ADRA1D: variants seen among roughly 807,000 people sequenced by gnomAD.
ADRA1D encodes the protein alpha-1D adrenergic receptor.
Under a neutral mutation model 18.6 loss-of-function variants are expected in ADRA1D, and 22 were observed. The ratio of observed to expected loss-of-function variants is 1.19; its 90% CI spans 0.85 to 1.69. The LOEUF is 1.69. ADRA1D is among the 40% of genes most tolerant of loss of function. ADRA1D has a pLI of 0.00. For missense variants in ADRA1D, 840 were observed against 840.7 expected, an observed-to-expected ratio of 1.00 and a Z score of 0.01; for synonymous variants, 376 against 388.2, an observed-to-expected ratio of 0.97 and a Z score of 0.37.
chr20:4,221,823 T>C lies in ADRA1D; in HGVS notation c.1419A>G (p.Glu473=). ...ALTALPDPDP[E]PPGTPEMQAP... is the part of the protein sequence containing the mutation. ...CCTGCATCTCGGGCGTGCCTGGGGG[T>C]TCGGGGTCGGGGTCGGGGAGCGCGG... Residue 473 remains glutamate, a synonymous_variant, in exon 2 of 2, where the codon GAA becomes GAG. Coordinates refer to ENST00000379453, the MANE Select transcript of ADRA1D (RefSeq NM_000678.4). The C allele has an allele frequency of 2.0e-6, 3 of 1,526,586 alleles. No individual in the cohort carries two copies. The highest frequency in any genetic ancestry group is 2.0e-4 in the Middle Eastern group (1 of 5,038). The allele number at this position is 1,526,586 out of a possible 1,614,324, so 94.6% of individuals were successfully genotyped here. A position where few individuals can be genotyped will look rare whatever the true frequency, so the allele number is the denominator to read the frequency against.
intron 1 of ADRA1D, among the ~76,000 whole-genome samples, chr20:4,245,136 C>A (rs1386982216): frequency 6.6e-6 from 1 of 152,198 alleles, no homozygotes; most frequent in African/African-American, 2.4e-5. Flanking sequence ...AAAGCAGTGG[C>A]CTTTTGCAGT....
intron 1 of ADRA1D, among the ~76,000 whole-genome samples, chr20:4,224,351 C>T (rs73085608): frequency 0.11 from 16,457 of 152,016 alleles, 1,173 homozygotes; most frequent in Non-Finnish European, 0.16. Context: ...GGGGCAGGGG[C>T]ACTAGGATCT....
At position 4,222,166 on chromosome 20, in the gene ADRA1D, T is replaced by C. The variant is rs1223524392; in HGVS notation, c.1112-36A>G. 5 of 1,593,026 alleles carry C rather than the reference T, an allele frequency of 3.1e-6. No homozygotes were observed. The highest frequency in any genetic ancestry group is 4.3e-6 in the Non-Finnish European group (5 of 1,168,728). On this transcript the variant is annotated intron_variant, in intron 1 of 1. Transcript: ENST00000379453. This position sits in a 1 kb window ranked among gnomAD's most constrained non-coding sequence, Gnocchi z 4.3. ...CAGAGACCGATACTATTTAGCTGCT[T>C]GGGGAGGGGGAGGCCAGGCGGCTCT...
In ADRA1D at chr20:4,239,582, C is replaced by T. The variant is rs1005576529; in HGVS notation, c.1111+8265G>A. 6.6e-6 allele frequency among the ~76,000 whole-genome samples: 1 copy of T among 152,104 alleles called. No individual in the cohort carries two copies. The highest frequency in any genetic ancestry group is 2.4e-5 in the African/African-American group (1 of 41,394). On this transcript the variant is annotated intron_variant, in intron 1 of 1. Transcript: ENST00000379453. This position sits in a 1 kb window ranked among gnomAD's most constrained non-coding sequence, Gnocchi z 4.9. ...CTGAGCCTGAAGCATCTTATCAGAT[C>T]AGAAAGCAAAGAAGAGCTCAAGATG...
At chr20:4,232,149 G>A (rs1221648872) in intron 1 of ADRA1D, among the ~76,000 whole-genome samples, 1 of 152,166 alleles carries the variant, frequency 6.6e-6, no homozygotes, top group African/African-American at 2.4e-5. Flanking sequence ...CCTGACCTCA[G>A]GTGATCCACC....
intron 1 of ADRA1D, among the ~76,000 whole-genome samples, chr20:4,244,794 A>T (rs1981296090): frequency 6.6e-6 from 1 of 152,178 alleles, no homozygotes; most frequent in Non-Finnish European, 1.5e-5. Flanking sequence ...CCTCCAAGCC[A>T]TACTGGGGCA....
intron 1 of ADRA1D, among the ~76,000 whole-genome samples, chr20:4,232,778 T>A (rs936268423): frequency 1.3e-5 from 2 of 152,104 alleles, no homozygotes; most frequent in African/African-American, 4.8e-5. Flanking sequence ...TTCAACTGGG[T>A]CCATGACACC....
chr20:4,241,281 C>A (rs1326732193), intron 1 of ADRA1D, among the ~76,000 whole-genome samples: 1 of 152,066 alleles, frequency 6.6e-6, no homozygotes, highest in Non-Finnish European at 1.5e-5. Flanking sequence ...AATCAATGGG[C>A]ATAAAGTTTC....
In ADRA1D at chr20:4,221,635, C is replaced by T. The variant is rs1980665670; in HGVS notation, c.1607G>A (p.Arg536His). ...TAGGGACACAGCCTCCACCTCTGAG[C>T]GCTGGGCGCACGCTGCCTCTGCGCG... ...AQRAEAACAQ[R>H]SEVEAVSLGV... The change falls in exon 2 of 2, where the codon CGC (arginine) becomes CAC (histidine). Residue 536 changes from arginine to histidine, a missense_variant. Coordinates refer to ENST00000379453, the MANE Select transcript of ADRA1D (RefSeq NM_000678.4). 3 of 1,613,100 alleles carry T rather than the reference C, an allele frequency of 1.9e-6. No homozygotes were observed. Among genetic ancestry groups the T allele is most frequent in the Non-Finnish European group, 1.7e-6 (2 of 1,179,624 alleles).
intron 1 of ADRA1D, among the ~76,000 whole-genome samples, chr20:4,228,431 G>A (rs1015744362): frequency 5.9e-5 from 9 of 152,320 alleles, no homozygotes; most frequent in African/African-American, 1.9e-4. Flanking sequence ...CAAAGTTGGG[G>A]GGATTTGGCA....
At chr20:4,225,125 CT>C (rs1266211442) in intron 1 of ADRA1D, among the ~76,000 whole-genome samples, 1 of 151,518 alleles carries the variant, frequency 6.6e-6, no homozygotes, top group Non-Finnish European at 1.5e-5. Context: ...CCTCAGCCTC[CT>C]GAGTAGCTGG....
chr20:4,245,466 G>A (rs1661422800), intron 1 of ADRA1D, among the ~76,000 whole-genome samples: 1 of 152,190 alleles, frequency 6.6e-6, no homozygotes, highest in Non-Finnish European at 1.5e-5. Flanking sequence ...GACAGGAGGA[G>A]GGGATCTAGT....
chr20:4,231,079 TCTC>T, intron 1 of ADRA1D, among the ~76,000 whole-genome samples: 1 of 83,412 alleles, frequency 1.2e-5, no homozygotes, highest in Admixed American at 1.3e-4. Flanking sequence ...TCTCTCTCTC[TCTC>T]TTTTCTTTTC....
chr20:4,224,957 G>A (rs1980760015), intron 1 of ADRA1D, among the ~76,000 whole-genome samples: 1 of 150,460 alleles, frequency 6.6e-6, no homozygotes, highest in Admixed American at 6.6e-5. Flanking sequence ...TCAAACCTTG[G>A]TCATGTGGCC....
At chr20:4,236,887 C>T (rs1204826731) in intron 1 of ADRA1D, among the ~76,000 whole-genome samples, 1 of 152,178 alleles carries the variant, frequency 6.6e-6, no homozygotes, top group Non-Finnish European at 1.5e-5. Context: ...GAGAATTCTC[C>T]CTGAGCCTCC....
At chr20:4,233,929 G>A (rs577742089) in intron 1 of ADRA1D, among the ~76,000 whole-genome samples, 4 of 152,290 alleles carry the variant, frequency 2.6e-5, no homozygotes, top group South Asian at 2.1e-4. Flanking sequence ...GTGCTGAGTC[G>A]CCATCCAGCT....
In ADRA1D at chr20:4,222,534, G is replaced by A. The variant is rs1245890549; in HGVS notation, c.1112-404C>T. Among the ~76,000 whole-genome samples, 1 of 152,082 alleles carries A rather than the reference G, an allele frequency of 6.6e-6. No homozygotes were observed. The highest frequency in any genetic ancestry group is 2.4e-5 in the African/African-American group (1 of 41,378). ...AGTCCCCGACTCTGTGACAAAGTAC[G>A]GCTCTCTGGAAAGATGCTTTGAAGA... On this transcript the variant is annotated intron_variant, in intron 1 of 1. Transcript: ENST00000379453. This position sits in a 1 kb window ranked among gnomAD's most constrained non-coding sequence, Gnocchi z 4.3.
Position 4,248,333 on chromosome 20 carries a change from T to A in ADRA1D, c.625A>T (p.Thr209Ser). 1 of 1,605,740 alleles carries A rather than the reference T, an allele frequency of 6.2e-7. No homozygotes were observed. The highest frequency in any genetic ancestry group is 8.5e-7 in the Non-Finnish European group (1 of 1,176,414). The change falls in exon 1 of 2, where the codon ACC (threonine) becomes TCC (serine). Residue 209 changes from threonine to serine, a missense_variant. Physicochemically the swap from Thr to Ser is moderately conservative, Grantham distance 58 (BLOSUM62 1). Coordinates refer to ENST00000379453, the MANE Select transcript of ADRA1D (RefSeq NM_000678.4). ...RHSLKYPAIM[T>S]ERKAAAILAL... ...AGGATGGCGGCCGCCTTGCGCTCGGTCATGATGGCTGGGTACTTGAGTGAG... is the reference window on the plus strand; with the variant it reads ...AGGATGGCGGCCGCCTTGCGCTCGGACATGATGGCTGGGTACTTGAGTGAG...
chr20:4,242,995 G>A (rs1336415111), intron 1 of ADRA1D, among the ~76,000 whole-genome samples: 1 of 152,132 alleles, frequency 6.6e-6, no homozygotes, highest in Non-Finnish European at 1.5e-5. Context: ...ACGCAGGAGG[G>A]ACACGGGCCT....
Sources: gnomAD v4.1 joint callset for allele counts (sites outside exome capture counted in the v4.1 genomes callset) on GRCh38, gnomAD v4.1.1 for gene constraint, Gnocchi (gnomAD v3.1) non-coding constraint, MANE v1.5 for transcripts, NCBI Gene and HGNC (gene_info 2026-07-23, HGNC 2026-07-21) for gene names.